The following CUX1 variants were observed in gnomAD, a reference collection of about 807,000 sequenced individuals.
CUX1 encodes the protein cut like homeobox 1.
CUX1 carries 31 observed loss-of-function variants against 158.8 expected under a neutral mutation model. The ratio of observed to expected loss-of-function variants is 0.20; its 90% CI spans 0.15 to 0.26. The LOEUF (loss-of-function observed/expected upper bound fraction) is 0.26, where lower values mean the gene tolerates loss of function less well. CUX1 is among the 10% of genes least tolerant of loss of function. CUX1 has a pLI of 1.00. For missense variants in CUX1, 1,589 were observed against 2,014.6 expected, an observed-to-expected ratio of 0.79 and a Z score of 4.04; for synonymous variants, 879 against 862.1, an observed-to-expected ratio of 1.02 and a Z score of -0.34.
At position 102,058,199 on chromosome 7, in the gene CUX1, A is replaced by G. The variant is rs571458115; in HGVS notation, c.190-12140A>G. On this transcript the variant is annotated intron_variant, in intron 3 of 23. Transcript: ENST00000292535. ...ATACTTAATAGACTATGATACAAAC[A>G]TAACTTTTATATTCACTGGAAAATC... 2.0e-5 allele frequency among the ~76,000 whole-genome samples: 3 copies of G among 152,378 alleles called. No individual in the cohort carries two copies. The South Asian group carries it at 6.2e-4, about 32-fold the overall frequency.
At chr7:101,922,854 G>C (rs1805119539) in intron 2 of CUX1, among the ~76,000 whole-genome samples, 1 of 152,356 alleles carries the variant, frequency 6.6e-6, no homozygotes, top group South Asian at 2.1e-4. Context: ...TCTGCACTGG[G>C]CTGGCCACAG....
rs112057369 is a variant in CUX1 at position 101,956,542 on chromosome 7, T to G, written c.141+40317T>G. Among the ~76,000 whole-genome samples, 16 of 152,338 alleles carry G rather than the reference T, an allele frequency of 1.1e-4. 3 individuals are homozygous for G. Among genetic ancestry groups the G allele is most frequent in the African/African-American group, 3.1e-4 (13 of 41,588 alleles). On this transcript the variant is annotated intron_variant, in intron 2 of 23. Transcript: ENST00000292535. Reference sequence around the variant, plus strand: ...CTTCTTCAGGGGTAAACTGGTATAATAGGAATGTCTGTTCAGACTGTTTTG... The same window carrying G: ...CTTCTTCAGGGGTAAACTGGTATAAGAGGAATGTCTGTTCAGACTGTTTTG...
At chr7:102,101,472 C>T (rs1293105694) in intron 5 of CUX1, among the ~76,000 whole-genome samples, 3 of 152,194 alleles carry the variant, frequency 2.0e-5, no homozygotes, top group Non-Finnish European at 4.4e-5. Flanking sequence ...CGTGAGCACT[C>T]ACCCGGGTCC....
chr7:101,895,786 G>A (rs1801397583), intron 1 of CUX1, among the ~76,000 whole-genome samples: 1 of 151,996 alleles, frequency 6.6e-6, no homozygotes, highest in South Asian at 2.1e-4. Flanking sequence ...GCAGGGAGAA[G>A]TTGTCACATT....
At chr7:101,850,019 G>A (rs928243805) in intron 1 of CUX1, among the ~76,000 whole-genome samples, 1 of 151,078 alleles carries the variant, frequency 6.6e-6, no homozygotes, top group Admixed American at 6.6e-5. Flanking sequence ...CCGCTTCTGG[G>A]TTCAAGCTAT....
At chr7:102,106,814 C>A (rs1467639407) in intron 6 of CUX1, among the ~76,000 whole-genome samples, 3 of 152,214 alleles carry the variant, frequency 2.0e-5, no homozygotes, top group Admixed American at 1.3e-4. Flanking sequence ...CACCAGCTCG[C>A]CTTTGAATTC....
Position 102,188,180 on chromosome 7 carries a change from C to T in CUX1, c.1018-1633C>T, listed in dbSNP as rs1026518326. Among the ~76,000 whole-genome samples the T allele has an allele frequency of 1.9e-4, 28 of 150,788 alleles. No homozygotes were observed. In the South Asian group the frequency reaches 3.4e-3, roughly 18 times the overall value. The stretch of plus-strand genomic sequence containing the variant: ...CACCACTGCACTCCAGCCTGGGTGA[C>T]AGAGCAAGATCCTGTCTCTTTTTTA... On this transcript the variant is annotated intron_variant, in intron 11 of 23. Coordinates refer to ENST00000292535, the MANE Select transcript of CUX1 (RefSeq NM_181552.4).
At chr7:102,133,467 C>CTTTT (rs11266929) in intron 8 of CUX1, among the ~76,000 whole-genome samples, 19 of 90,574 alleles carry the variant, frequency 2.1e-4, no homozygotes, top group South Asian at 4.1e-4. Context: ...AAAAATACAT[C>CTTTT]TTTTTTTTTT....
chr7:102,137,555 G>A (rs1834040778), intron 8 of CUX1, among the ~76,000 whole-genome samples: 1 of 152,120 alleles, frequency 6.6e-6, no homozygotes, highest in South Asian at 2.1e-4. Flanking sequence ...AGAATTGCTT[G>A]AACCCTGGAG....
At chr7:102,274,084 C>T (rs940528843) in intron 15 of CUX1, 17 of 659,732 alleles carry the variant, frequency 2.6e-5, no homozygotes, top group African/African-American at 1.1e-4. Flanking sequence ...GCTCATGTCA[C>T]GTGTCCAGGT....
chr7:101,984,077 C>CCAAAAAAAAAAAAAAAAA (rs1185648555), intron 2 of CUX1, among the ~76,000 whole-genome samples: 3 of 16,760 alleles, frequency 1.8e-4, no homozygotes, highest in Non-Finnish European at 3.0e-4. Context: ...TGTCCCCCCC[C>CCAAAAAAAAAAAAAAAAA]AAAAAAAAAA....
At chr7:102,004,691 C>G (rs1817110910) in intron 2 of CUX1, among the ~76,000 whole-genome samples, 1 of 151,940 alleles carries the variant, frequency 6.6e-6, no homozygotes, top group Non-Finnish European at 1.5e-5. Context: ...CTCTGGTGTC[C>G]TGACCACCGA....
chr7:101,825,979 G>A (rs1348698686), intron 1 of CUX1, among the ~76,000 whole-genome samples: 1 of 152,090 alleles, frequency 6.6e-6, no homozygotes, highest in African/African-American at 2.4e-5. Flanking sequence ...ATTTCATCAT[G>A]CCATTCCTCT....
At chr7:101,973,928 C>T (rs1812332903) in intron 2 of CUX1, among the ~76,000 whole-genome samples, 2 of 151,834 alleles carry the variant, frequency 1.3e-5, no homozygotes, top group South Asian at 4.1e-4. Context: ...GCCACCATGC[C>T]TGGCTAATTT....
At chr7:102,259,859 G>A (rs1046607621), downstream of CUX1, among the ~76,000 whole-genome samples, 5 of 152,012 alleles carry the variant, frequency 3.3e-5, no homozygotes, top group Non-Finnish European at 7.4e-5. Context: ...TTGGGAGGAG[G>A]TCAAGGCAGG....
chr7:101,987,729 G>A (rs1449213081), intron 2 of CUX1, among the ~76,000 whole-genome samples: 1 of 152,232 alleles, frequency 6.6e-6, no homozygotes, highest in African/African-American at 2.4e-5. Context: ...TCCGAGGGAG[G>A]ACTGCACCAG....
At chr7:102,047,861 C>A (rs1823007736) in intron 3 of CUX1, among the ~76,000 whole-genome samples, 1 of 152,008 alleles carries the variant, frequency 6.6e-6, no homozygotes. Flanking sequence ...AAACTGACAC[C>A]AAGGACCACA....
intron 2 of CUX1, among the ~76,000 whole-genome samples, chr7:102,026,176 C>G (rs954577783): frequency 6.6e-6 from 1 of 152,004 alleles, no homozygotes; most frequent in Admixed American, 6.6e-5. Context: ...AAGACCCTGT[C>G]TCAAAAAAAC....
chr7:102,147,425 G>A (rs1396489401), intron 8 of CUX1, among the ~76,000 whole-genome samples: 4 of 152,158 alleles, frequency 2.6e-5, no homozygotes, highest in African/African-American at 9.7e-5. Flanking sequence ...TGGGCCACCT[G>A]GTTCTGCACT....
Sources: allele counts gnomAD v4.1 joint callset (sites outside exome capture counted in the v4.1 genomes callset), GRCh38; gene constraint gnomAD v4.1.1; transcripts MANE v1.5; gene names NCBI Gene and HGNC (gene_info 2026-07-23, HGNC 2026-07-21).